The following SLC26A8 variants were observed in gnomAD, a reference collection of about 807,000 sequenced individuals.
SLC26A8 encodes the protein testis anion transporter 1.
Under a neutral mutation model 105.0 loss-of-function variants are expected in SLC26A8, and 70 were observed. The observed-to-expected ratio is 0.67, with a 90% CI of 0.55 to 0.81. The LOEUF (loss-of-function observed/expected upper bound fraction) is 0.81, where lower values mean the gene tolerates loss of function less well. SLC26A8 is among the 40% of genes least tolerant of loss of function. The probability of loss-of-function intolerance (pLI) is 0.00; values close to 1 mark genes in which losing one functional copy is unlikely to be tolerated. For synonymous variants in SLC26A8, 415 were observed against 438.3 expected, an observed-to-expected ratio of 0.95 and a Z score of 0.66; for missense variants, 998 against 1,181.8, an observed-to-expected ratio of 0.84 and a Z score of 2.28.
intron 3 of SLC26A8, among the ~76,000 whole-genome samples, chr6:36,009,353 A>AAACAACAACAACAACAACAACAAC (rs145874408): frequency 1.3e-5 from 2 of 149,294 alleles, no homozygotes; most frequent in South Asian, 2.1e-4. Context: ...TGCCTCTCAA[A>AAACAACAACAACAACAACAACAAC]AACAACAACA....
intron 3 of SLC26A8, among the ~76,000 whole-genome samples, chr6:36,008,106 C>T (rs11750972): frequency 0.14 from 17,465 of 127,060 alleles, 1,067 homozygotes; most frequent in Middle Eastern, 0.22. Context: ...GGCAACAGAG[C>T]GAGACTCCGT....
chr6:35,986,925 G>A (rs1021000703), intron 7 of SLC26A8, among the ~76,000 whole-genome samples: 2 of 152,056 alleles, frequency 1.3e-5, no homozygotes, highest in South Asian at 2.1e-4. Flanking sequence ...GTGCTGCAGC[G>A]AACATGAGAG....
intron 2 of SLC26A8, among the ~76,000 whole-genome samples, chr6:36,013,612 C>T (rs916230742): frequency 6.6e-6 from 1 of 152,168 alleles, no homozygotes; most frequent in Non-Finnish European, 1.5e-5. Context: ...AGAAAACCTG[C>T]TTTAACTTTT....
chr6:36,005,747 T>C (rs908034605), intron 3 of SLC26A8, among the ~76,000 whole-genome samples: 6 of 152,236 alleles, frequency 3.9e-5, no homozygotes, highest in Non-Finnish European at 7.3e-5. Flanking sequence ...GGGAGATACT[T>C]TGAAAATATG....
intron 4 of SLC26A8, 89 bp downstream of exon 4, chr6:35,999,903 T>C (rs903234966): frequency 3.5e-5 from 30 of 863,540 alleles, no homozygotes; most frequent in Non-Finnish European, 5.1e-5. Context: ...CTTTCTATCT[T>C]AAAGCTTTAT....
At chr6:35,985,859 G>A (rs1412893101) in intron 7 of SLC26A8, among the ~76,000 whole-genome samples, 1 of 151,612 alleles carries the variant, frequency 6.6e-6, no homozygotes, top group African/African-American at 2.4e-5. Context: ...ATTGTTTCCC[G>A]AGCTCTAGAG....
intron 5 of SLC26A8, among the ~76,000 whole-genome samples, chr6:35,996,550 A>G (rs1761355981): frequency 6.6e-6 from 1 of 151,946 alleles, no homozygotes; most frequent in South Asian, 2.1e-4. Context: ...TATTTTTATT[A>G]TTATTATTAT....
chr6:36,008,757 G>A (rs1761763190), intron 3 of SLC26A8, among the ~76,000 whole-genome samples: 1 of 152,190 alleles, frequency 6.6e-6, no homozygotes, highest in Non-Finnish European at 1.5e-5. Flanking sequence ...ATGGAAATTA[G>A]CATATGAAAA....
intron 7 of SLC26A8, among the ~76,000 whole-genome samples, chr6:35,988,285 A>G (rs1319182120): frequency 6.6e-6 from 1 of 152,166 alleles, no homozygotes; most frequent in Non-Finnish European, 1.5e-5. Flanking sequence ...TATCTTTATC[A>G]TGGTAAAATG....
intron 19 of SLC26A8, among the ~76,000 whole-genome samples, chr6:35,950,844 C>G (rs959247386): frequency 6.6e-6 from 1 of 152,024 alleles, no homozygotes; most frequent in Non-Finnish European, 1.5e-5. Flanking sequence ...AGACACTAAC[C>G]AAGAATGCTG....
At chr6:35,965,109 A>G (rs537319418) in intron 11 of SLC26A8, among the ~76,000 whole-genome samples, 1 of 152,228 alleles carries the variant, frequency 6.6e-6, no homozygotes, top group South Asian at 2.1e-4. Flanking sequence ...AGAATATAAA[A>G]TTGTACAGTT....
At chr6:36,018,264 A>T (rs531021982) in intron 2 of SLC26A8, among the ~76,000 whole-genome samples, 9 of 152,350 alleles carry the variant, frequency 5.9e-5, no homozygotes, top group African/African-American at 2.2e-4. Flanking sequence ...AACAACTCAA[A>T]TGTCTGTTAA....
chr6:35,975,913 CAA>C (rs34783824), intron 9 of SLC26A8, among the ~76,000 whole-genome samples: 1,161 of 80,988 alleles, frequency 0.014, 5 homozygotes, highest in Middle Eastern at 0.02. Flanking sequence ...AACTCCATCT[CAA>C]AAAAAAAAAA....
intron 1 of SLC26A8, among the ~76,000 whole-genome samples, chr6:36,022,472 G>C (rs1762149691): frequency 7.5e-6 from 1 of 133,462 alleles, no homozygotes; most frequent in African/African-American, 2.9e-5. Context: ...ATGGCTAGTG[G>C]TTACCTTACT....
Position 35,975,502 on chromosome 6 carries a change from G to T in SLC26A8, c.1174-14C>A, listed in dbSNP as rs760358738. On this transcript the variant is annotated splice_polypyrimidine_tract_variant and intron_variant, in intron 9 of 19. Transcript: ENST00000490799. ...GGCTATTAAATCCTGTAAAGAAACA[G>T]CAGATGCTTTAGGCCCCCGTTTTTG... 41 of 1,557,692 alleles carry T rather than the reference G, an allele frequency of 2.6e-5. 1 individual carries two copies. The South Asian group carries it at 4.1e-4, about 15-fold the overall frequency.
At chr6:35,970,900 C>T (rs916201947) in intron 10 of SLC26A8, among the ~76,000 whole-genome samples, 9 of 151,992 alleles carry the variant, frequency 5.9e-5, no homozygotes, top group South Asian at 4.2e-4. Flanking sequence ...TAGTGGCAGG[C>T]GCCTGTAATC....
chr6:36,016,047 G>A (rs142136641), intron 2 of SLC26A8, among the ~76,000 whole-genome samples: 1,584 of 151,700 alleles, frequency 0.01, 23 homozygotes, highest in African/African-American at 0.035. Flanking sequence ...AGGCTGGAGT[G>A]CAGTGGCGTG....
At chr6:35,991,617 A>G in intron 7 of SLC26A8, 42 bp downstream of exon 7, 4 of 1,454,412 alleles carry the variant, frequency 2.8e-6, no homozygotes, top group Non-Finnish European at 3.6e-6. Flanking sequence ...TAAAATACTA[A>G]AATTATGCAA....
At chr6:35,993,034 T>G (rs1359860880) in intron 5 of SLC26A8, among the ~76,000 whole-genome samples, 1 of 152,174 alleles carries the variant, frequency 6.6e-6, no homozygotes, top group African/African-American at 2.4e-5. Flanking sequence ...GATCTCACTC[T>G]GTTGCCCAGG....
Sources: gnomAD v4.1 joint callset for allele counts (sites outside exome capture counted in the v4.1 genomes callset) on GRCh38, gnomAD v4.1.1 for gene constraint, MANE v1.5 for transcripts, NCBI Gene and HGNC (gene_info 2026-07-23, HGNC 2026-07-21) for gene names.